The following HEMK2 variants were observed in gnomAD, a reference collection of about 807,000 sequenced individuals.
HEMK2 encodes the protein methyltransferase HEMK2.
chr21:28,701,549 CACACACACAT>C, the HEMK2 span, among the ~76,000 whole-genome samples: 11,050 of 89,320 alleles, frequency 0.12, 494 homozygotes, highest in African/African-American at 0.3. Flanking sequence ...ACAATAGCCA[CACACACACAT>C]ACACACACAC....
At chr21:28,751,163 G>A in the HEMK2 span, among the ~76,000 whole-genome samples, 9 of 150,284 alleles carry the variant, frequency 6.0e-5, no homozygotes, top group Admixed American at 2.0e-4. Context: ...CCCGGGAGGC[G>A]GAGCTTGCAG....
At chr21:28,695,444 C>T in the HEMK2 span, among the ~76,000 whole-genome samples, 1 of 152,112 alleles carries the variant, frequency 6.6e-6, no homozygotes, top group Non-Finnish European at 1.5e-5. Context: ...TTAATTGACT[C>T]AGTTCAGCAT....
chr21:28,750,746 A>G, the HEMK2 span, among the ~76,000 whole-genome samples: 1 of 151,328 alleles, frequency 6.6e-6, no homozygotes, highest in Non-Finnish European at 1.5e-5. Flanking sequence ...AGAGAAGTTA[A>G]GCAATATTCC....
the HEMK2 span, among the ~76,000 whole-genome samples, chr21:28,811,415 AG>A: frequency 1.3e-4 from 17 of 132,458 alleles, no homozygotes; most frequent in Middle Eastern, 3.6e-3. Flanking sequence ...GAAGGAAGGA[AG>A]GAAGGAAGGA....
the HEMK2 span, among the ~76,000 whole-genome samples, chr21:28,596,610 T>C: frequency 5.9e-5 from 9 of 152,224 alleles, no homozygotes; most frequent in African/African-American, 2.2e-4. Context: ...CATAATTTGC[T>C]GCAACTCAAG....
the HEMK2 span, among the ~76,000 whole-genome samples, chr21:28,694,008 T>C: frequency 3.3e-5 from 5 of 152,218 alleles, no homozygotes; most frequent in Admixed American, 6.5e-5. Flanking sequence ...TAGTAGATAG[T>C]ACAAACAAAG....
chr21:28,786,319 A>C, the HEMK2 span, among the ~76,000 whole-genome samples: 19 of 152,334 alleles, frequency 1.2e-4, no homozygotes, highest in South Asian at 3.9e-3. Flanking sequence ...AACATTATTC[A>C]CCCATAGGTC....
the HEMK2 span, among the ~76,000 whole-genome samples, chr21:28,668,912 C>T: frequency 6.6e-6 from 1 of 152,166 alleles, no homozygotes; most frequent in Non-Finnish European, 1.5e-5. Context: ...TCAATAATCC[C>T]ATCATACACC....
the HEMK2 span, among the ~76,000 whole-genome samples, chr21:28,777,252 C>T: frequency 3.9e-5 from 6 of 152,284 alleles, no homozygotes; most frequent in Non-Finnish European, 7.4e-5. Flanking sequence ...TCAGTTTTGT[C>T]ATCTTTAGAA....
the HEMK2 span, among the ~76,000 whole-genome samples, chr21:28,638,568 G>C: frequency 1.3e-5 from 2 of 152,302 alleles, no homozygotes; most frequent in African/African-American, 4.8e-5. Context: ...GTTGGTTTGT[G>C]CTGCAAAAGA....
At chr21:28,815,729 A>G in the HEMK2 span, among the ~76,000 whole-genome samples, 1 of 152,198 alleles carries the variant, frequency 6.6e-6, no homozygotes, top group Non-Finnish European at 1.5e-5. Flanking sequence ...TATTTGAGTA[A>G]AAGCAACAGC....
At chr21:28,786,782 TC>T in the HEMK2 span, among the ~76,000 whole-genome samples, 1 of 152,184 alleles carries the variant, frequency 6.6e-6, no homozygotes, top group Non-Finnish European at 1.5e-5. Flanking sequence ...TCAAAACTTT[TC>T]TACATAGATA....
chr21:28,711,354 G>C, the HEMK2 span, among the ~76,000 whole-genome samples: 1 of 152,144 alleles, frequency 6.6e-6, no homozygotes, highest in Non-Finnish European at 1.5e-5. Context: ...GTGTATCTCT[G>C]CTTGAGGGGG....
At chr21:28,869,736 T>G in the HEMK2 span, among the ~76,000 whole-genome samples, 1 of 152,230 alleles carries the variant, frequency 6.6e-6, no homozygotes. Flanking sequence ...TAGAACACTT[T>G]CTATGCTCTG....
the HEMK2 span, among the ~76,000 whole-genome samples, chr21:28,849,000 T>A: frequency 6.6e-6 from 1 of 152,116 alleles, no homozygotes; most frequent in East Asian, 1.9e-4. Context: ...CTGACACGCA[T>A]ACACCCCACT....
the HEMK2 span, among the ~76,000 whole-genome samples, chr21:28,620,675 T>C: frequency 7.2e-5 from 8 of 111,270 alleles, no homozygotes; most frequent in East Asian, 5.2e-4. Flanking sequence ...TTTTTTTTTT[T>C]TTTTTTTTTT....
At chr21:28,807,606 C>T in the HEMK2 span, among the ~76,000 whole-genome samples, 2 of 152,146 alleles carry the variant, frequency 1.3e-5, no homozygotes, top group Admixed American at 6.6e-5. Flanking sequence ...CAGGTCATCC[C>T]TGATAAGGGA....
chr21:28,880,543 C>G, the HEMK2 span, among the ~76,000 whole-genome samples: 8 of 152,100 alleles, frequency 5.3e-5, no homozygotes, highest in South Asian at 1.7e-3. Context: ...ACCAGCCTCG[C>G]CAACCCATGG....
the HEMK2 span, among the ~76,000 whole-genome samples, chr21:28,841,371 ATAT>A: frequency 1.2e-4 from 4 of 32,894 alleles, 1 homozygote; most frequent in Non-Finnish European, 1.8e-4. Context: ...ATTATATAAA[ATAT>A]TATATATAAT....
Sources: gnomAD v4.1 joint callset for allele counts (sites outside exome capture counted in the v4.1 genomes callset) on GRCh38, gnomAD v4.1.1 for gene constraint, MANE v1.5 for transcripts, NCBI Gene and HGNC (gene_info 2026-07-23, HGNC 2026-07-21) for gene names.